The following LILRB5 variants were observed in gnomAD, a reference collection of about 807,000 sequenced individuals.
LILRB5 encodes the protein leukocyte immunoglobulin like receptor B5.
In LILRB5, 61 loss-of-function variants were observed where a neutral mutation model predicts 68.4. That is an observed-to-expected ratio of 0.89 (90% confidence interval 0.73 to 1.10). The LOEUF (loss-of-function observed/expected upper bound fraction) is 1.10. Among genes scored for constraint, LILRB5 ranks in the 50% least tolerant of loss-of-function variants. The pLI, the probability that LILRB5 is intolerant of heterozygous loss-of-function variation, is 0.00. For missense variants in LILRB5, 771 were observed against 751.6 expected, an observed-to-expected ratio of 1.03 and a Z score of -0.30; for synonymous variants, 356 against 315.8, an observed-to-expected ratio of 1.13 and a Z score of -1.35.
rs776472996 is a variant in LILRB5 at position 54,252,939 on chromosome 19, A to G, written c.1406T>C (p.Val469Ala). ...GAAGAGGAGGAGGAACAGCAGCAGG[A>G]CGAAGGCCACTGAGACCCCAGTCAC... is the stretch of plus-strand genomic sequence containing the variant. Reference protein sequence around the residue: ...GVVTGVSVAFVLLLFLLLFLL... With the variant: ...GVVTGVSVAFALLLFLLLFLL... Residue 469 changes from valine to alanine, a missense_variant, in exon 9 of 13, where the codon GTC becomes GCC. Coordinates refer to ENST00000449561, the MANE Select transcript of LILRB5 (RefSeq NM_001081442.3). The G allele has an allele frequency of 1.3e-5, 21 of 1,583,922 alleles. No homozygotes were observed. The highest frequency in any genetic ancestry group is 3.4e-4 in the Middle Eastern group (2 of 5,926).
In LILRB5 at chr19:54,252,549, G is replaced by T. The variant is rs2078994846; in HGVS notation, c.1475C>A (p.Ala492Asp). The part of the protein sequence containing the change: ...HRHQSKHRTS[A>D]HFYRPAGAAG... ...AGCCCCTGCAGGACGGTAGAAATGG[G>T]CTGGACAGAGATGGACAGAGGGTCA... Residue 492 changes from alanine to aspartate, a missense_variant and splice_region_variant, in exon 10 of 13, where the codon GCC (alanine) becomes GAC (aspartate). Physicochemically the swap from Ala to Asp is moderately radical, Grantham distance 126 (BLOSUM62 -2). Transcript: ENST00000449561. 6.2e-7 allele frequency: 1 copy of T among 1,613,824 alleles called. No individual in the cohort carries two copies. The highest frequency in any genetic ancestry group is 8.5e-7 in the Non-Finnish European group (1 of 1,179,960).
chr19:54,254,178 C>T (rs1466063332), intron 7 of LILRB5, 110 bp from the exon 8 acceptor site: 24 of 1,511,944 alleles, frequency 1.6e-5, no homozygotes, highest in Non-Finnish European at 1.9e-5. Context: ...TCTGCCTCGA[C>T]GCCCGCCCCC....
chr19:54,252,360 A>G lies in LILRB5; in HGVS notation c.1576+6T>C. On this transcript the variant is annotated splice_donor_region_variant and intron_variant, in intron 11 of 12. Transcript: ENST00000449561. ...CCCCAGGTGCCCTCCGCTTCTAGTC[A>G]CTCACTGAGAATTTCCTCCTGGATG... 1 of 1,613,580 alleles carries G rather than the reference A, an allele frequency of 6.2e-7. No individual in the cohort carries two copies. The highest frequency in any genetic ancestry group is 1.1e-5 in the South Asian group (1 of 91,066).
rs1157228489 is a variant in LILRB5 at position 54,256,989 on chromosome 19, A to G, written c.42T>C (p.Ser14=). Reference sequence around the variant, plus strand: ...CCTGCACGCAGGTCCTGGGGCCCACACTCAGCCCTGGAAGAGAGTTCCCTG... The same window carrying G: ...CCTGCACGCAGGTCCTGGGGCCCACGCTCAGCCCTGGAAGAGAGTTCCCTG... ...TLSVLICLGL[S]VGPRTCVQAG... Residue 14 remains serine (S), a synonymous_variant, in exon 2 of 13, where the codon AGT becomes AGC. Transcript: ENST00000449561. The G allele has an allele frequency of 1.9e-6, 3 of 1,613,856 alleles. No homozygotes were observed. The East Asian group carries it at 6.7e-5, about 36-fold the overall frequency.
chr19:54,252,535 G>C lies in LILRB5; in HGVS notation c.1489C>G (p.Pro497Ala), dbSNP rs767274971. 2.5e-6 allele frequency: 4 copies of C among 1,614,032 alleles called. No homozygotes were observed. In the Admixed American group the frequency reaches 6.7e-5, roughly 27 times the overall value. ...GGCTCTGGCCCCGCAGCCCCTGCAG[G>C]ACGGTAGAAATGGGCTGGACAGAGA... ...KHRTSAHFYR[P>A]AGAAGPEPKD... The change falls in exon 10 of 13, where the codon CCT becomes GCT. Residue 497 changes from proline (P) to alanine (A), a missense_variant. Pro to Ala is a conservative substitution (Grantham distance 27). Coordinates refer to ENST00000449561, the MANE Select transcript of LILRB5 (RefSeq NM_001081442.3).
In LILRB5 at chr19:54,255,352, A is replaced by G; in HGVS notation, c.886T>C (p.Tyr296His). ...SRSHGGQYRC[Y>H]GAHNLSPRWS... The stretch of plus-strand genomic sequence containing the variant: ...CTAGGGGAGAGGTTGTGTGCACCGT[A>G]GCATCTGTACTGGCCCCCGTGGGAG... Residue 296 changes from tyrosine to histidine, a missense_variant, in exon 5 of 13, where the codon TAC (tyrosine) becomes CAC (histidine). By Grantham distance (83) the Tyr-to-His change is moderately conservative. Coordinates refer to ENST00000449561, the MANE Select transcript of LILRB5 (RefSeq NM_001081442.3). 1 of 1,614,030 alleles carries G rather than the reference A, an allele frequency of 6.2e-7. No homozygotes were observed. The highest frequency in any genetic ancestry group is 8.5e-7 in the Non-Finnish European group (1 of 1,179,988).
At chr19:54,257,078 G>A in intron 1 of LILRB5, 82 bp from the exon 2 acceptor site, 1 of 1,613,786 alleles carries the variant, frequency 6.2e-7, no homozygotes, top group Non-Finnish European at 8.5e-7. Flanking sequence ...TGATAGACCA[G>A]ATTCTCTGAT....
At chr19:54,253,773 C>T in intron 8 of LILRB5, 1 of 1,392,222 alleles carries the variant, frequency 7.2e-7, no homozygotes, top group Non-Finnish European at 9.8e-7. Context: ...CCTGAATGCC[C>T]CAAACCACGG....
chr19:54,256,830 C>T (rs770520764), intron 2 of LILRB5, 57 bp from the exon 3 acceptor site: 17 of 1,609,016 alleles, frequency 1.1e-5, no homozygotes, highest in Middle Eastern at 3.8e-4. Context: ...GATTCCAGCT[C>T]TCAGCCCCAG....
At chr19:54,254,634 CT>C in intron 6 of LILRB5, 100 bp downstream of exon 6, 1 of 1,470,744 alleles carries the variant, frequency 6.8e-7, no homozygotes, top group East Asian at 2.3e-5. Context: ...CCCTCAAACC[CT>C]CCCCCCCGCA....
chr19:54,251,126 G>T (rs686335), intron 12 of LILRB5, 194 bp from the exon 13 acceptor site: 532,945 of 1,301,616 alleles, frequency 0.41, 125,609 homozygotes, highest in African/African-American at 0.48. Context: ...GTGTTTCACC[G>T]GGGCATACGT....
rs148899015 is a variant in LILRB5 at position 54,250,819 on chromosome 19, T to C, written c.1743A>G (p.Glu581=). The part of the protein sequence containing the change: ...PPSQEREPPA[E]PSIYAPLAIH ...TGGCCAGGGGGGCGTAGATGCTGGGTTCAGCTGGAGGTTCCCTTTCCTGGG... is the reference window on the plus strand; with the variant it reads ...TGGCCAGGGGGGCGTAGATGCTGGGCTCAGCTGGAGGTTCCCTTTCCTGGG... The change falls in exon 13 of 13, where the codon GAA becomes GAG. Residue 581 remains glutamate (E), a synonymous_variant. Coordinates refer to ENST00000449561, the MANE Select transcript of LILRB5 (RefSeq NM_001081442.3). 8.1e-4 allele frequency: 1,308 copies of C among 1,613,732 alleles called. 3 individuals are homozygous for C. In the East Asian group the frequency reaches 8.5e-3, roughly 11 times the overall value.
chr19:54,256,641 G>A lies in LILRB5; in HGVS notation c.203C>T (p.Ala68Val), dbSNP rs760446124. The part of the protein sequence containing the change: ...YRLDKEGLPW[A>V]RKRQNPLEPG... ...CTCCAGTGGGTTCTGTCTCTTCCGGGCCCATGGGAGTCCCTCCTTATCCAG... is the reference window on the plus strand; with the variant it reads ...CTCCAGTGGGTTCTGTCTCTTCCGGACCCATGGGAGTCCCTCCTTATCCAG... Residue 68 changes from alanine to valine, a missense_variant, in exon 3 of 13, where the codon GCC becomes GTC. Coordinates refer to ENST00000449561, the MANE Select transcript of LILRB5 (RefSeq NM_001081442.3). The A allele has an allele frequency of 6.2e-7, 1 of 1,614,164 alleles. No individual in the cohort carries two copies. Among genetic ancestry groups the A allele is most frequent in the South Asian group, 1.1e-5 (1 of 91,084 alleles).
At chr19:54,253,137 G>A in intron 8 of LILRB5, 150 bp from the exon 9 acceptor site, 1 of 329,406 alleles carries the variant, frequency 3.0e-6, no homozygotes, top group South Asian at 2.8e-5. Context: ...TCACAGAGGA[G>A]CAAACTGAGG....
At chr19:54,253,353 G>A (rs2079021327) in intron 8 of LILRB5, 1 of 192,200 alleles carries the variant, frequency 5.2e-6, no homozygotes, top group East Asian at 1.5e-4. Flanking sequence ...CCCCAGCACA[G>A]CAGGGCCTGG....
At chr19:54,256,439 C>T in intron 3 of LILRB5, 50 bp downstream of exon 3, 1 of 1,605,034 alleles carries the variant, frequency 6.2e-7, no homozygotes, top group South Asian at 1.1e-5. Context: ...AGAGCCGACC[C>T]TCTTCCTGAG....
rs113573116 is a variant in LILRB5, at chr19:54,250,853, G to T, written c.1709C>A (p.Pro570His). The stretch of plus-strand genomic sequence containing the variant: ...AGGTTCCCTTTCCTGGGATGGAGGA[G>T]GCTCAGTTGCCTCCCGTCTGAGGGT... Reference protein sequence around the residue: ...SLTLRREATEPPPSQEREPPA... With the variant: ...SLTLRREATEHPPSQEREPPA... The change falls in exon 13 of 13, where the codon CCT becomes CAT. Residue 570 changes from proline (P) to histidine (H), a missense_variant. Transcript: ENST00000449561. 1 of 1,613,966 alleles carries T rather than the reference G, an allele frequency of 6.2e-7. No homozygotes were observed.
rs761173913 is a variant in LILRB5, at chr19:54,256,554, C to T, written c.290G>A (p.Arg97His). 1.2e-5 allele frequency: 20 copies of T among 1,614,020 alleles called. No homozygotes were observed. Among genetic ancestry groups the T allele is most frequent in the South Asian group, 6.6e-5 (6 of 91,090 alleles). ...STVYDSAGRY[R>H]CYYETPAGWS... ...GCCTGCAGGGGTCTCATAGTAGCAGCGGTATCGCCCTGCACTGTCATACAC... is the reference window on the plus strand; with the variant it reads ...GCCTGCAGGGGTCTCATAGTAGCAGTGGTATCGCCCTGCACTGTCATACAC... The change falls in exon 3 of 13, where the codon CGC becomes CAC. Residue 97 changes from arginine to histidine, a missense_variant. Transcript: ENST00000449561.
intron 12 of LILRB5, chr19:54,251,450 C>T (rs1601017751): frequency 1.4e-5 from 8 of 554,774 alleles, no homozygotes; most frequent in South Asian, 4.1e-5. Flanking sequence ...TGCAGGGGCT[C>T]GTCCATCAGA....
Sources: allele counts gnomAD v4.1 joint callset, GRCh38; gene constraint gnomAD v4.1.1; transcripts MANE v1.5; gene names NCBI Gene and HGNC (gene_info 2026-07-23, HGNC 2026-07-21).